The following WDFY4 variants were observed in gnomAD, a reference collection of about 807,000 sequenced individuals.
The protein encoded by WDFY4 is WDFY family member 4.
A neutral mutation model predicts 351.9 loss-of-function variants in WDFY4; 169 were observed. The ratio of observed to expected loss-of-function variants is 0.48; its 90% CI spans 0.42 to 0.55. The LOEUF is 0.55. Ranked by LOEUF, WDFY4 falls within the 20% of genes least tolerant of loss-of-function variation. WDFY4 has a pLI of 0.00. For synonymous variants in WDFY4, 1,622 were observed against 1,574.6 expected (o/e 1.03, Z -0.71); for missense variants, 3,803 against 3,935.6 (o/e 0.97, Z 0.90).
intron 43 of WDFY4, among the ~76,000 whole-genome samples, chr10:48,887,701 C>T (rs1011316159): frequency 1.3e-5 from 2 of 151,644 alleles, no homozygotes; most frequent in Admixed American, 1.3e-4. Flanking sequence ...ATGGCATGAA[C>T]CCAGGAGGCG....
chr10:48,901,934 C>T, intron 47 of WDFY4, 71 bp downstream of exon 47: 9 of 1,402,432 alleles, frequency 6.4e-6, no homozygotes, highest in Non-Finnish European at 8.9e-6. Context: ...CTGCCTCATC[C>T]CACTCTAAAG....
chr10:48,847,952 C>T (rs2068833550), intron 39 of WDFY4, among the ~76,000 whole-genome samples: 1 of 151,686 alleles, frequency 6.6e-6, no homozygotes, highest in African/African-American at 2.4e-5. Flanking sequence ...CTCGGAGCGC[C>T]AGTTGTTTGT....
At chr10:48,863,037 T>A (rs953719657) in intron 39 of WDFY4, among the ~76,000 whole-genome samples, 34 of 152,360 alleles carry the variant, frequency 2.2e-4, no homozygotes, top group African/African-American at 7.9e-4. Flanking sequence ...TACATCATTC[T>A]TTTTTATGAC....
At chr10:48,713,643 G>A (rs2063823982) in intron 2 of WDFY4, among the ~76,000 whole-genome samples, 1 of 152,204 alleles carries the variant, frequency 6.6e-6, no homozygotes, top group Non-Finnish European at 1.5e-5. Flanking sequence ...CCTGAGGGGA[G>A]GAGTGAGAAA....
At chr10:48,970,783 CA>C (rs1842305161) in intron 57 of WDFY4, among the ~76,000 whole-genome samples, 1 of 152,104 alleles carries the variant, frequency 6.6e-6, no homozygotes. Flanking sequence ...AAATGAGATG[CA>C]AAGAAGTTTA....
At chr10:48,919,176 T>TAA (rs1232822993) in intron 47 of WDFY4, among the ~76,000 whole-genome samples, 1 of 147,780 alleles carries the variant, frequency 6.8e-6, no homozygotes, top group Non-Finnish European at 1.5e-5. Context: ...ACTGACAATT[T>TAA]AAAAAAAAAA....
At chr10:48,817,934 G>T (rs2067679118) in intron 32 of WDFY4, among the ~76,000 whole-genome samples, 1 of 152,234 alleles carries the variant, frequency 6.6e-6, no homozygotes, top group Admixed American at 6.5e-5. Flanking sequence ...GAGGTCTTGG[G>T]TCTTATGCTC....
At chr10:48,876,314 A>G (rs1457973423) in intron 42 of WDFY4, among the ~76,000 whole-genome samples, 1 of 152,246 alleles carries the variant, frequency 6.6e-6, no homozygotes, top group Non-Finnish European at 1.5e-5. Flanking sequence ...AACAGACTAG[A>G]GATGAAAAAA....
At chr10:48,901,422 C>T (rs1409293240) in intron 46 of WDFY4, among the ~76,000 whole-genome samples, 2 of 152,358 alleles carry the variant, frequency 1.3e-5, no homozygotes, top group African/African-American at 4.8e-5. Context: ...TCCACAACCA[C>T]TACCCACTCG....
Position 48,720,215 on chromosome 10 carries a change from C to T in WDFY4, c.349+90C>T, listed in dbSNP as rs1242964856. 48 of 1,309,190 alleles carry T rather than the reference C, an allele frequency of 3.7e-5. 1 individual carries two copies. Among genetic ancestry groups the T allele is most frequent in the South Asian group, 2.8e-4 (21 of 74,358 alleles). 81.1% of individuals were successfully genotyped at this position (1,309,190 alleles called of 1,614,324 possible). On this transcript the variant is annotated intron_variant, in intron 3 of 61. Coordinates refer to ENST00000325239, the MANE Select transcript of WDFY4 (RefSeq NM_001394531.1). ...GGCCTCTCAGGCCCCCCTCTGCTTTCGCGTGGAGCTACAGTGTTGCCTGCC... is the reference window on the plus strand; with the variant it reads ...GGCCTCTCAGGCCCCCCTCTGCTTTTGCGTGGAGCTACAGTGTTGCCTGCC...
At chr10:48,723,838 A>G (rs75683066) in intron 5 of WDFY4, among the ~76,000 whole-genome samples, 261 of 152,276 alleles carry the variant, frequency 1.7e-3, no homozygotes, top group East Asian at 0.015. Flanking sequence ...GCTGTCTGCC[A>G]TCACAGGATG....
intron 58 of WDFY4, chr10:48,976,592 C>T: frequency 2.5e-6 from 1 of 394,614 alleles, no homozygotes; most frequent in South Asian, 1.3e-4. Flanking sequence ...CACATGACTG[C>T]AGTATGAAAA....
chr10:48,982,605 A>C lies in WDFY4; in HGVS notation c.*30A>C, dbSNP rs972597026. On this transcript the variant is annotated 3_prime_UTR_variant, in exon 62 of 62. Coordinates refer to ENST00000325239, the MANE Select transcript of WDFY4 (RefSeq NM_001394531.1). ...AGAGAGGCAGCAGAGGCTCTGGCACAACAGTGCCAGGCTGAGGGTGGCAGA... is the reference window on the plus strand; with the variant it reads ...AGAGAGGCAGCAGAGGCTCTGGCACCACAGTGCCAGGCTGAGGGTGGCAGA... 4.5e-6 allele frequency: 7 copies of C among 1,544,866 alleles called. No homozygotes were observed. The African/African-American group carries it at 9.6e-5, about 21-fold the overall frequency.
intron 1 of WDFY4, among the ~76,000 whole-genome samples, chr10:48,703,938 A>G (rs2063551432): frequency 6.6e-6 from 1 of 152,054 alleles, no homozygotes. Flanking sequence ...ACCTGGGGGC[A>G]TGCATGGCCA....
chr10:48,696,930 C>T (rs747793339), intron 1 of WDFY4, among the ~76,000 whole-genome samples: 3 of 152,228 alleles, frequency 2.0e-5, no homozygotes, highest in Non-Finnish European at 4.4e-5. Context: ...TTGAGGGAGC[C>T]TGAGTCGCTA....
At chr10:48,728,237 G>A (rs571066150) in intron 7 of WDFY4, among the ~76,000 whole-genome samples, 1 of 152,338 alleles carries the variant, frequency 6.6e-6, no homozygotes, top group Middle Eastern at 3.4e-3. Flanking sequence ...CAACTCCCAA[G>A]TGAACTACCT....
At chr10:48,908,559 T>C (rs1837748064) in intron 47 of WDFY4, among the ~76,000 whole-genome samples, 1 of 152,254 alleles carries the variant, frequency 6.6e-6, no homozygotes, top group Admixed American at 6.5e-5. Flanking sequence ...AAGCTTGCCA[T>C]AGTGCCTCAT....
intron 53 of WDFY4, among the ~76,000 whole-genome samples, chr10:48,960,645 G>C (rs776706693): frequency 2.0e-5 from 3 of 152,118 alleles, no homozygotes; most frequent in Non-Finnish European, 4.4e-5. Context: ...ATTCAAACTA[G>C]TCAAAAACAA....
At chr10:48,794,512 A>G (rs2928401) in intron 23 of WDFY4, among the ~76,000 whole-genome samples, 69,750 of 151,852 alleles carry the variant, frequency 0.46, 18,795 homozygotes, top group East Asian at 0.84. Context: ...GGTCATCGCC[A>G]CCATGATGAT....
Sources: gnomAD v4.1 joint callset for allele counts (sites outside exome capture counted in the v4.1 genomes callset) on GRCh38, gnomAD v4.1.1 for gene constraint, MANE v1.5 for transcripts, NCBI Gene and HGNC (gene_info 2026-07-23, HGNC 2026-07-21) for gene names.